The following FAM98B variants were observed in gnomAD, a reference collection of about 807,000 sequenced individuals.
The protein encoded by FAM98B is tRNA splicing ligase complex subunit 3B.
Under a neutral mutation model 43.9 loss-of-function variants are expected in FAM98B, and 32 were observed. The observed-to-expected ratio is 0.73, with a 90% CI of 0.55 to 0.98. The LOEUF is 0.98. FAM98B is among the 50% of genes least tolerant of loss of function. The probability of loss-of-function intolerance (pLI) is 0.00; values close to 1 mark genes in which losing one functional copy is unlikely to be tolerated. For missense variants in FAM98B, 514 were observed against 522.9 expected, an observed-to-expected ratio of 0.98 and a Z score of 0.17; for synonymous variants, 190 against 174.0, an observed-to-expected ratio of 1.09 and a Z score of -0.72.
chr15:38,462,713 A>G (rs1486895122), intron 1 of FAM98B, among the ~76,000 whole-genome samples: 1 of 152,228 alleles, frequency 6.6e-6, no homozygotes, highest in Non-Finnish European at 1.5e-5. Context: ...AAATAAGTAA[A>G]ACCCCTACAA....
In FAM98B at chr15:38,454,143, A is replaced by G; in HGVS notation, c.-19A>G. On this transcript the variant is annotated 5_prime_UTR_variant, in exon 1 of 8. Coordinates refer to ENST00000397609, the MANE Select transcript of FAM98B (RefSeq NM_173611.4). ...CGGCGGGCTACTTAGAGCGCCGAAC[A>G]GCTCTGGGCCAAAGGACCATGAGAG... is the stretch of plus-strand genomic sequence containing the variant. 6.3e-7 allele frequency: 1 copy of G among 1,586,982 alleles called. No homozygotes were observed. Among genetic ancestry groups the G allele is most frequent in the African/African-American group, 1.3e-5 (1 of 74,916 alleles).
At chr15:38,460,379 G>C (rs927483390) in intron 1 of FAM98B, among the ~76,000 whole-genome samples, 1 of 137,882 alleles carries the variant, frequency 7.3e-6, no homozygotes, top group African/African-American at 2.6e-5. Context: ...TGTACTGCAA[G>C]AGGAGAAGGA....
At chr15:38,477,454 T>C (rs552497506) in intron 6 of FAM98B, among the ~76,000 whole-genome samples, 1 of 152,258 alleles carries the variant, frequency 6.6e-6, no homozygotes, top group African/African-American at 2.4e-5. Flanking sequence ...CTTCTTGTCA[T>C]AGGATATATG....
intron 7 of FAM98B, chr15:38,483,200 A>G (rs1337732089): frequency 6.6e-6 from 1 of 152,188 alleles, no homozygotes; most frequent in Non-Finnish European, 1.5e-5. Flanking sequence ...GTATAAATGG[A>G]TATTAAGTTA....
rs981193585 is a variant in FAM98B, at chr15:38,484,596, A to T, written c.1239A>T (p.Pro413=). 6.9e-6 allele frequency: 8 copies of T among 1,161,314 alleles called. No individual in the cohort carries two copies. The highest frequency in any genetic ancestry group is 1.8e-5 in the African/African-American group (1 of 55,440). The allele number at this position is 1,161,314 out of a possible 1,614,324, so 71.9% of individuals were successfully genotyped here. The change falls in exon 8 of 8, where the codon CCA becomes CCT. Residue 413 remains proline, a synonymous_variant. Transcript: ENST00000397609. ...ATGGTGGAAGAGGCTATGGAGATCC[A>T]TATGGAGGAGGTGGTGGTGGTGGTG... The part of the protein sequence containing the change: ...GGYGGRGYGD[P]YGGGGGGGGG...
chr15:38,457,375 A>C (rs1236619538), intron 1 of FAM98B, among the ~76,000 whole-genome samples: 1 of 152,204 alleles, frequency 6.6e-6, no homozygotes, highest in African/African-American at 2.4e-5. Flanking sequence ...ACACCTTAGA[A>C]TCTAAATTGG....
In FAM98B at chr15:38,464,129, T is replaced by C; in HGVS notation, c.169T>C (p.Ser57Pro). Residue 57 changes from serine to proline, a missense_variant, in exon 2 of 8, where the codon TCT (serine) becomes CCT (proline). Transcript: ENST00000397609. ...TTCAGAGCTCTGTATTTGGTTAGGCTCTCAAATAAAATCATTATGCAACTT... is the reference window on the plus strand; with the variant it reads ...TTCAGAGCTCTGTATTTGGTTAGGCCCTCAAATAAAATCATTATGCAACTT... Reference protein sequence around the residue: ...EFSELCIWLGSQIKSLCNLEE... With the variant: ...EFSELCIWLGPQIKSLCNLEE... 1 of 1,613,436 alleles carries C rather than the reference T, an allele frequency of 6.2e-7. No individual in the cohort carries two copies.
chr15:38,466,522 T>C (rs1890034955), intron 3 of FAM98B, among the ~76,000 whole-genome samples: 1 of 152,092 alleles, frequency 6.6e-6, no homozygotes, highest in Non-Finnish European at 1.5e-5. Flanking sequence ...GCTTAGCAAT[T>C]GTAGTGATAC....
chr15:38,483,196 A>C (rs1461158273), intron 7 of FAM98B: 1 of 152,208 alleles, frequency 6.6e-6, no homozygotes, highest in Non-Finnish European at 1.5e-5. Context: ...TATTGTATAA[A>C]TGGATATTAA....
chr15:38,455,691 A>G (rs1255962458), intron 1 of FAM98B, among the ~76,000 whole-genome samples: 1 of 152,232 alleles, frequency 6.6e-6, no homozygotes, highest in African/African-American at 2.4e-5. Flanking sequence ...TGAGCTCCCA[A>G]GTACTTCAGG....
chr15:38,454,268 G>A lies in FAM98B; in HGVS notation c.71+36G>A, dbSNP rs370148758. 2.5e-6 allele frequency: 4 copies of A among 1,576,326 alleles called. 1 individual carries two copies. The highest frequency in any genetic ancestry group is 3.3e-4 in the Middle Eastern group (2 of 6,030). On this transcript the variant is annotated intron_variant, in intron 1 of 7. Transcript: ENST00000397609. Reference sequence around the variant, plus strand: ...TTGGAGACGCCTTTTCCCTGAAAACGCAACCTCTCCTTGGCCTGGCTGCTT... The same window carrying A: ...TTGGAGACGCCTTTTCCCTGAAAACACAACCTCTCCTTGGCCTGGCTGCTT...
At chr15:38,456,262 C>G (rs1298678312) in intron 1 of FAM98B, among the ~76,000 whole-genome samples, 1 of 152,172 alleles carries the variant, frequency 6.6e-6, no homozygotes. Context: ...CTGATAGTCT[C>G]TGATTTTGTG....
At chr15:38,468,794 C>T (rs945072536) in intron 3 of FAM98B, among the ~76,000 whole-genome samples, 2 of 152,124 alleles carry the variant, frequency 1.3e-5, no homozygotes, top group East Asian at 3.9e-4. Flanking sequence ...GACCCTGGCA[C>T]CTGTACTTTT....
Position 38,473,535 on chromosome 15 carries a change from A to G in FAM98B, c.562A>G (p.Asn188Asp). 6.2e-7 allele frequency: 1 copy of G among 1,610,640 alleles called. No homozygotes were observed. Among genetic ancestry groups the G allele is most frequent in the South Asian group, 1.1e-5 (1 of 90,154 alleles). Residue 188 changes from asparagine (N) to aspartate (D), a missense_variant, in exon 5 of 8, where the codon AAT (asparagine) becomes GAT (aspartate). Asn to Asp is a conservative substitution (Grantham distance 23). Transcript: ENST00000397609. ...AGATATTCTCTCAAAGGTCCAGAAAAATCATGTGGGAAAACCACTGCTGAA... is the reference window on the plus strand; with the variant it reads ...AGATATTCTCTCAAAGGTCCAGAAAGATCATGTGGGAAAACCACTGCTGAA... Reference protein sequence around the residue: ...VKDILSKVQKNHVGKPLLKMD... With the variant: ...VKDILSKVQKDHVGKPLLKMD...
At position 38,473,553 on chromosome 15, in the gene FAM98B, C is replaced by T. The variant is rs1203656198; in HGVS notation, c.580C>T (p.Leu194=). The change falls in exon 5 of 8, where the codon CTG becomes TTG. Residue 194 remains leucine, a synonymous_variant. Transcript: ENST00000397609. ...KVQKNHVGKP[L]LKMDLNSEQA... ...CCAGAAAAATCATGTGGGAAAACCA[C>T]TGCTGAAAATGGATTTAAATTCAGA... 3 of 1,610,974 alleles carry T rather than the reference C, an allele frequency of 1.9e-6. No homozygotes were observed. Among genetic ancestry groups the T allele is most frequent in the African/African-American group, 1.3e-5 (1 of 74,810 alleles).
intron 6 of FAM98B, among the ~76,000 whole-genome samples, chr15:38,477,151 G>C (rs1890213314): frequency 6.6e-6 from 1 of 151,284 alleles, no homozygotes; most frequent in South Asian, 2.1e-4. Context: ...AAAGAAAAGA[G>C]TAAAGCACTA....
At position 38,484,602 on chromosome 15, in the gene FAM98B, AGGAGGTGGTGGT is replaced by A; in HGVS notation, c.1248_1259del (p.Gly426_Gly429del). The A allele has an allele frequency of 9.9e-7, 1 of 1,009,682 alleles. No homozygotes were observed. The allele number at this position is 1,009,682 out of a possible 1,614,324, so 62.5% of individuals were successfully genotyped here. ...GAAGAGGCTATGGAGATCCATATGG[AGGAGGTGGTGGT>A]GGTGGTGGTGGTGGTGGTGGAGGAG... On this transcript the variant is annotated inframe_deletion, in exon 8 of 8. Transcript: ENST00000397609.
chr15:38,466,708 CTG>C (rs1890039420), intron 3 of FAM98B, among the ~76,000 whole-genome samples: 1 of 152,076 alleles, frequency 6.6e-6, no homozygotes, highest in Non-Finnish European at 1.5e-5. Context: ...CGTCATAGAA[CTG>C]TATACTTAAA....
intron 2 of FAM98B, among the ~76,000 whole-genome samples, chr15:38,464,468 G>A (rs1889997741): frequency 6.6e-6 from 1 of 152,004 alleles, no homozygotes; most frequent in East Asian, 1.9e-4. Context: ...AAAAAGTAGG[G>A]TCTGAATTTG....
Sources: allele counts gnomAD v4.1 joint callset (sites outside exome capture counted in the v4.1 genomes callset), GRCh38; gene constraint gnomAD v4.1.1; transcripts MANE v1.5; gene names NCBI Gene and HGNC (gene_info 2026-07-23, HGNC 2026-07-21).